Variants in KRT75 observed in about 807,000 individuals in gnomAD.
KRT75 encodes keratin 75.
In KRT75, 35 loss-of-function variants were observed where a neutral mutation model predicts 48.8. The observed-to-expected ratio is 0.72, with a 90% CI of 0.55 to 0.95. The LOEUF (loss-of-function observed/expected upper bound fraction) is 0.95. KRT75 is among the 40% of genes least tolerant of loss of function. The pLI is 0.00. For synonymous variants in KRT75, 301 were observed against 282.3 expected (o/e 1.07, Z -0.66); for missense variants, 776 against 709.9 (o/e 1.09, Z -1.06).
intron 4 of KRT75, 91 bp from the exon 5 acceptor site, chr12:52,430,796 T>A: frequency 7.4e-7 from 1 of 1,356,326 alleles, no homozygotes; most frequent in Non-Finnish European, 1.1e-6. Context: ...AGGAATCCTT[T>A]CCTTGGTATT....
chr12:52,427,416 G>T (rs187308622), intron 7 of KRT75, among the ~76,000 whole-genome samples: 90 of 152,342 alleles, frequency 5.9e-4, no homozygotes, highest in South Asian at 3.1e-3. Flanking sequence ...TTGATTACCT[G>T]TTACTTATAT....
chr12:52,428,206 T>C, intron 7 of KRT75, 50 bp downstream of exon 7: 3 of 1,608,666 alleles, frequency 1.9e-6, no homozygotes, highest in Non-Finnish European at 2.5e-6. Context: ...CCCAGGAAGC[T>C]GAGGTGAGCT....
Position 52,424,311 on chromosome 12 carries a change from A to C in KRT75, c.*206T>G. Reference sequence around the variant, plus strand: ...AGGAGAGAGCAGGCTTTGGTTTCACATGTGTAACAGACGGGTGCTGCTGGC... The same window carrying C: ...AGGAGAGAGCAGGCTTTGGTTTCACCTGTGTAACAGACGGGTGCTGCTGGC... On this transcript the variant is annotated 3_prime_UTR_variant, in exon 9 of 9. Coordinates refer to ENST00000252245, the MANE Select transcript of KRT75 (RefSeq NM_004693.3). 1 of 686,698 alleles carries C rather than the reference A, an allele frequency of 1.5e-6. No homozygotes were observed. The highest frequency in any genetic ancestry group is 2.6e-6 in the Non-Finnish European group (1 of 378,350). The allele number at this position is 686,698 out of a possible 1,614,324, so 42.5% of individuals were successfully genotyped here.
At chr12:52,426,592 C>G (rs1468552728) in intron 8 of KRT75, among the ~76,000 whole-genome samples, 1 of 152,194 alleles carries the variant, frequency 6.6e-6, no homozygotes, top group Non-Finnish European at 1.5e-5. Flanking sequence ...TCTCATCACC[C>G]CTTCTGTGAC....
chr12:52,434,042 G>A lies in KRT75; in HGVS notation c.263C>T (p.Ala88Val), dbSNP rs1376032800. The A allele has an allele frequency of 7.4e-6, 12 of 1,614,106 alleles. No homozygotes were observed. The South Asian group carries it at 1.3e-4, about 18-fold the overall frequency. ...ACTGTTGACTCCAAACCTGTTGCTGGCCCTGCCACCAAAGCCACTTCGGCA... is the reference window on the plus strand; with the variant it reads ...ACTGTTGACTCCAAACCTGTTGCTGACCCTGCCACCAAAGCCACTTCGGCA... ...SSCRSGFGGR[A>V]SNRFGVNSGF... Residue 88 changes from alanine to valine, a missense_variant, in exon 1 of 9, where the codon GCC becomes GTC. Coordinates refer to ENST00000252245, the MANE Select transcript of KRT75 (RefSeq NM_004693.3).
At chr12:52,429,796 C>T (rs970841964) in intron 5 of KRT75, among the ~76,000 whole-genome samples, 3 of 152,180 alleles carry the variant, frequency 2.0e-5, no homozygotes, top group Non-Finnish European at 2.9e-5. Context: ...GAGTTGGAAC[C>T]TGCTCGTAGG....
chr12:52,432,967 C>T, intron 2 of KRT75, 71 bp downstream of exon 2: 3 of 1,482,774 alleles, frequency 2.0e-6, no homozygotes, highest in Admixed American at 1.7e-5. Context: ...TGCTCCTTTG[C>T]ACCTCTCTGG....
chr12:52,424,904 G>A (rs893804770), intron 8 of KRT75, 149 bp from the exon 9 acceptor site: 7 of 723,086 alleles, frequency 9.7e-6, no homozygotes, highest in Non-Finnish European at 1.8e-5. Context: ...CCTGCTTAGT[G>A]AGATCACTGC....
intron 3 of KRT75, 138 bp from the exon 4 acceptor site, chr12:52,431,776 A>G (rs1441099441): frequency 2.5e-6 from 2 of 799,198 alleles, no homozygotes; most frequent in East Asian, 2.6e-5. Context: ...GGGGTTGGGG[A>G]TGGGTAATTA....
intron 7 of KRT75, among the ~76,000 whole-genome samples, chr12:52,427,313 A>G (rs1050622547): frequency 2.0e-5 from 3 of 152,248 alleles, no homozygotes; most frequent in Non-Finnish European, 2.9e-5. Flanking sequence ...TTATTATCTT[A>G]GCAACCAAGT....
intron 4 of KRT75, among the ~76,000 whole-genome samples, chr12:52,431,245 T>A (rs545487937): frequency 6.6e-6 from 1 of 152,216 alleles, no homozygotes; most frequent in African/African-American, 2.4e-5. Context: ...CAGGTATGTG[T>A]TGATTCCTTG....
chr12:52,427,160 A>G (rs12426196), intron 7 of KRT75, among the ~76,000 whole-genome samples: 18,392 of 152,248 alleles, frequency 0.12, 1,223 homozygotes, highest in Admixed American at 0.21. Flanking sequence ...ACTGGCATCA[A>G]CTGGAAAGAA....
rs148114656 is a variant in KRT75, at chr12:52,424,717, C to A, written c.1456G>T (p.Gly486Cys). ...AGGTTTCCACCTCCAATGCTGCTGCCGCTTCCATAGCCACTGGAAAGAGTA... is the reference window on the plus strand; with the variant it reads ...AGGTTTCCACCTCCAATGCTGCTGCAGCTTCCATAGCCACTGGAAAGAGTA... ...TSTLSSGYGS[G>C]SSIGGGNLGL... The change falls in exon 9 of 9, where the codon GGC (glycine) becomes TGC (cysteine). Residue 486 changes from glycine (G) to cysteine (C), a missense_variant. Coordinates refer to ENST00000252245, the MANE Select transcript of KRT75 (RefSeq NM_004693.3). 2 of 1,613,996 alleles carry A rather than the reference C, an allele frequency of 1.2e-6. No homozygotes were observed. Among genetic ancestry groups the A allele is most frequent in the East Asian group, 2.2e-5 (1 of 44,872 alleles).
At position 52,433,252 on chromosome 12, in the gene KRT75, C is replaced by T; in HGVS notation, c.499G>A (p.Val167Met). ...NNKFASFIDK[V>M]RFLEQQNKVL... ...TTGTTCTGCTGCTCCAAGAACCTCA[C>T]CTGGAGGGAAGAAGAGAGAATGAAA... The change falls in exon 2 of 9, where the codon GTG (valine) becomes ATG (methionine). Residue 167 changes from valine (V) to methionine (M), a missense_variant and splice_region_variant. By Grantham distance (21) the Val-to-Met change is conservative (BLOSUM62 1). Coordinates refer to ENST00000252245, the MANE Select transcript of KRT75 (RefSeq NM_004693.3). The T allele has an allele frequency of 1.2e-6, 2 of 1,613,452 alleles. No homozygotes were observed. Among genetic ancestry groups the T allele is most frequent in the Non-Finnish European group, 8.5e-7 (1 of 1,179,582 alleles).
chr12:52,425,774 T>C (rs1021758678), intron 8 of KRT75, among the ~76,000 whole-genome samples: 1 of 152,182 alleles, frequency 6.6e-6, no homozygotes, highest in African/African-American at 2.4e-5. Context: ...AGGCTCCAAG[T>C]TTCAGAGGGA....
chr12:52,425,750 C>G (rs1485060563), intron 8 of KRT75, among the ~76,000 whole-genome samples: 1 of 152,210 alleles, frequency 6.6e-6, no homozygotes, highest in Non-Finnish European at 1.5e-5. Flanking sequence ...ATATACAGAG[C>G]AGGAGGCTGG....
In KRT75 at chr12:52,430,429, A is replaced by C; in HGVS notation, c.1035+112T>G. 7.1e-6 allele frequency: 8 copies of C among 1,129,200 alleles called. No individual in the cohort carries two copies. In the South Asian group the frequency reaches 9.8e-5, roughly 14 times the overall value. The allele number at this position is 1,129,200 out of a possible 1,614,324, so 69.9% of individuals were successfully genotyped here. A position where few individuals can be genotyped will look rare whatever the true frequency, so the allele number is the denominator to read the frequency against. On this transcript the variant is annotated intron_variant, in intron 5 of 8. Coordinates refer to ENST00000252245, the MANE Select transcript of KRT75 (RefSeq NM_004693.3). ...TCATAGCATCAAAGACATGCCTGCT[A>C]AGTTGAAATAAACGAATGTGCTCAC...
At position 52,430,725 on chromosome 12, in the gene KRT75, G is replaced by T. The variant is rs775963250; in HGVS notation, c.871-20C>A. ...CAGCTCCTGCAGGGCAGTAAACTCA[G>T]CATCACCAAGGCATAAGATGAAGAA... On this transcript the variant is annotated intron_variant, in intron 4 of 8. Coordinates refer to ENST00000252245, the MANE Select transcript of KRT75 (RefSeq NM_004693.3). 2 of 1,613,998 alleles carry T rather than the reference G, an allele frequency of 1.2e-6. No homozygotes were observed. The highest frequency in any genetic ancestry group is 2.2e-5 in the South Asian group (2 of 91,078).
At chr12:52,424,796 C>A (rs574326223) in intron 8 of KRT75, 41 bp from the exon 9 acceptor site, 3 of 1,496,028 alleles carry the variant, frequency 2.0e-6, no homozygotes, top group East Asian at 4.5e-5. Flanking sequence ...CAAGTGCAAG[C>A]GAGAAGACAG....
Sources: allele counts gnomAD v4.1 joint callset (sites outside exome capture counted in the v4.1 genomes callset), GRCh38; gene constraint gnomAD v4.1.1; transcripts MANE v1.5; gene names NCBI Gene and HGNC (gene_info 2026-07-23, HGNC 2026-07-21).